PPIH: variants seen among roughly 807,000 people sequenced by gnomAD.
PPIH encodes peptidylprolyl isomerase H.
In PPIH, 16 loss-of-function variants were observed where a neutral mutation model predicts 27.6. That is an observed-to-expected ratio of 0.58 (90% CI 0.39 to 0.88). The LOEUF is 0.88. Ranked by LOEUF, PPIH falls within the 40% of genes least tolerant of loss-of-function variation. PPIH has a pLI of 0.00. For synonymous variants in PPIH, 63 were observed against 76.1 expected, an observed-to-expected ratio of 0.83 and a Z score of 0.90; for missense variants, 155 against 224.1, an observed-to-expected ratio of 0.69 and a Z score of 1.97.
intron 4 of PPIH, among the ~76,000 whole-genome samples, chr1:42,660,104 T>C (rs1031566448): frequency 1.3e-5 from 2 of 152,222 alleles, no homozygotes; most frequent in African/African-American, 4.8e-5. Flanking sequence ...TGATCTGCAT[T>C]CTACAGAGGA....
At chr1:42,666,464 G>A (rs556637124) in intron 7 of PPIH, 83 bp from the exon 8 acceptor site, 1 of 1,393,244 alleles carries the variant, frequency 7.2e-7, no homozygotes, top group Non-Finnish European at 1.0e-6. Flanking sequence ...AGGGTTTAAT[G>A]AGAAAATAGC....
At chr1:42,660,737 A>T (rs970726710) in intron 4 of PPIH, 125 bp from the exon 5 acceptor site, 3 of 871,270 alleles carry the variant, frequency 3.4e-6, no homozygotes, top group Non-Finnish European at 3.4e-6. Flanking sequence ...GCTAAGAGTA[A>T]TGATTTTATA....
At chr1:42,662,707 T>C (rs1649106625) in intron 5 of PPIH, among the ~76,000 whole-genome samples, 1 of 152,218 alleles carries the variant, frequency 6.6e-6, no homozygotes, top group African/African-American at 2.4e-5. Flanking sequence ...ATTTATTATT[T>C]TGGTTGCAAA....
intron 9 of PPIH, among the ~76,000 whole-genome samples, chr1:42,673,068 C>T (rs958882170): frequency 1.3e-5 from 2 of 152,048 alleles, no homozygotes; most frequent in Non-Finnish European, 2.9e-5. Context: ...AGTCACAGCT[C>T]ACTGCAGCCT....
At chr1:42,667,147 C>A (rs1298545819) in intron 8 of PPIH, among the ~76,000 whole-genome samples, 1 of 152,102 alleles carries the variant, frequency 6.6e-6, no homozygotes, top group African/African-American at 2.4e-5. Context: ...ATAACTTTTT[C>A]TTATATAATC....
intron 4 of PPIH, 113 bp downstream of exon 4, chr1:42,659,679 T>C: frequency 6.8e-7 from 1 of 1,469,730 alleles, no homozygotes. Context: ...TGAGAAGAAA[T>C]GTTTTTGTGG....
At chr1:42,659,670 G>T in intron 4 of PPIH, 104 bp downstream of exon 4, 1 of 1,483,632 alleles carries the variant, frequency 6.7e-7, no homozygotes, top group Non-Finnish European at 8.9e-7. Flanking sequence ...TACATTTCTT[G>T]AGAAGAAATG....
chr1:42,663,094 G>A (rs1030450868), intron 5 of PPIH, among the ~76,000 whole-genome samples: 5 of 152,140 alleles, frequency 3.3e-5, no homozygotes, highest in East Asian at 3.9e-4. Flanking sequence ...ACGTGATTAC[G>A]GAGAATGGCA....
At chr1:42,677,929 CTCT>C (rs1307938172), downstream of PPIH, among the ~76,000 whole-genome samples, 1 of 152,222 alleles carries the variant, frequency 6.6e-6, no homozygotes, top group Non-Finnish European at 1.5e-5. Context: ...ATGGGGATGC[CTCT>C]TAACTACTGG....
intron 4 of PPIH, 86 bp downstream of exon 4, chr1:42,659,652 G>A (rs976236370): frequency 6.6e-7 from 1 of 1,523,866 alleles, no homozygotes. Context: ...AAACCAGAGG[G>A]TAATTCTTAC....
intron 2 of PPIH, 23 bp downstream of exon 2, chr1:42,658,931 C>T (rs776760476): frequency 1.9e-6 from 3 of 1,612,212 alleles, no homozygotes; most frequent in Non-Finnish European, 2.5e-6. Context: ...TCCAGCTCCG[C>T]TGGATTAGCT....
chr1:42,659,490 G>C (rs2148708342), intron 3 of PPIH, 32 bp from the exon 4 acceptor site: 1 of 1,614,202 alleles, frequency 6.2e-7, no homozygotes, highest in Non-Finnish European at 8.5e-7. Flanking sequence ...GCTACCTGCT[G>C]TCACTCCAAG....
intron 4 of PPIH, 128 bp from the exon 5 acceptor site, chr1:42,660,734 G>A (rs1213419173): frequency 1.7e-5 from 14 of 837,452 alleles, no homozygotes; most frequent in Non-Finnish European, 2.5e-5. Flanking sequence ...CCAGCTAAGA[G>A]TAATGATTTT....
At position 42,660,912 on chromosome 1, in the gene PPIH, C is replaced by T. The variant is rs1570379501; in HGVS notation, c.243+8C>T. ...GGTGGAGATTTTGTTAATGTAAGTA[C>T]TATTCCTTTCCTATCAAAGACCCGT... On this transcript the variant is annotated splice_region_variant and intron_variant, in intron 5 of 9. Coordinates refer to ENST00000304979, the MANE Select transcript of PPIH (RefSeq NM_006347.4). 2.5e-6 allele frequency: 4 copies of T among 1,606,476 alleles called. No homozygotes were observed. The East Asian group carries it at 8.9e-5, about 36-fold the overall frequency.
intron 5 of PPIH, among the ~76,000 whole-genome samples, chr1:42,662,657 A>G (rs1414619715): frequency 1.3e-5 from 2 of 152,126 alleles, no homozygotes; most frequent in Non-Finnish European, 2.9e-5. Flanking sequence ...AAGTTTGACC[A>G]AGAATATTTG....
chr1:42,665,954 C>A, intron 6 of PPIH, 26 bp from the exon 7 acceptor site: 1 of 1,593,114 alleles, frequency 6.3e-7, no homozygotes, highest in Non-Finnish European at 8.6e-7. Context: ...GGGAAACTTA[C>A]TGCAGGTATA....
intron 7 of PPIH, 142 bp downstream of exon 7, chr1:42,666,209 G>C (rs935540932): frequency 1.3e-6 from 1 of 796,254 alleles, no homozygotes; most frequent in Non-Finnish European, 2.1e-6. Flanking sequence ...AAATGGTGGG[G>C]AGGTGGGGAA....
At chr1:42,663,646 C>T (rs1434293508) in intron 5 of PPIH, among the ~76,000 whole-genome samples, 3 of 151,992 alleles carry the variant, frequency 2.0e-5, no homozygotes, top group Admixed American at 6.6e-5. Flanking sequence ...GTGATCCACC[C>T]GCCTCAGCCT....
intron 9 of PPIH, among the ~76,000 whole-genome samples, chr1:42,672,650 ATTTTT>A (rs552835482): frequency 6.9e-6 from 1 of 144,698 alleles, no homozygotes; most frequent in Non-Finnish European, 1.5e-5. Context: ...TTTGTGTACA[ATTTTT>A]TTTTTTTTTA....
Sources: allele counts gnomAD v4.1 joint callset (sites outside exome capture counted in the v4.1 genomes callset), GRCh38; gene constraint gnomAD v4.1.1; transcripts MANE v1.5; gene names NCBI Gene and HGNC (gene_info 2026-07-23, HGNC 2026-07-21).